MMP16: variants seen among roughly 807,000 people sequenced by gnomAD.
The protein encoded by MMP16 is matrix metallopeptidase 16.
In MMP16, 12 loss-of-function variants were observed where a neutral mutation model predicts 67.8. That is an observed-to-expected ratio of 0.18 (90% CI 0.11 to 0.29). MMP16 has a LOEUF of 0.29. MMP16 is among the 10% of genes least tolerant of loss of function. The probability of loss-of-function intolerance (pLI) is 1.00; values close to 1 mark genes in which losing one functional copy is unlikely to be tolerated. For missense variants in MMP16, 475 were observed against 765.7 expected (o/e 0.62, Z 4.48); for synonymous variants, 249 against 255.9 (o/e 0.97, Z 0.26).
At chr8:88,250,969 T>C (rs757965402) in intron 1 of MMP16, among the ~76,000 whole-genome samples, 7 of 122,880 alleles carry the variant, frequency 5.7e-5, no homozygotes, top group Non-Finnish European at 1.1e-4. Context: ...GATGCTCCCC[T>C]TCCTGTGTCC....
intron 1 of MMP16, among the ~76,000 whole-genome samples, chr8:88,292,874 T>C (rs918488545): frequency 1.3e-5 from 2 of 152,178 alleles, no homozygotes; most frequent in Non-Finnish European, 2.9e-5. Flanking sequence ...TTTTAATATT[T>C]AACATACAGT....
At chr8:88,318,820 T>G (rs1156666581) in intron 1 of MMP16, among the ~76,000 whole-genome samples, 2 of 152,198 alleles carry the variant, frequency 1.3e-5, no homozygotes, top group African/African-American at 4.8e-5. Flanking sequence ...TTAACATTGT[T>G]TTTTATTATA....
At chr8:88,155,146 A>G (rs1292119112) in intron 4 of MMP16, among the ~76,000 whole-genome samples, 2 of 152,090 alleles carry the variant, frequency 1.3e-5, no homozygotes, top group Non-Finnish European at 1.5e-5. Flanking sequence ...TTTTGTTTCT[A>G]TCTTTATATT....
chr8:88,238,778 T>C (rs1409104355), intron 1 of MMP16, among the ~76,000 whole-genome samples: 2 of 151,968 alleles, frequency 1.3e-5, no homozygotes, highest in Non-Finnish European at 2.9e-5. Flanking sequence ...TATGTAAAAG[T>C]TTATGATATT....
intron 9 of MMP16, among the ~76,000 whole-genome samples, chr8:88,044,089 T>C (rs1239331162): frequency 6.6e-6 from 1 of 152,226 alleles, no homozygotes; most frequent in African/African-American, 2.4e-5. Flanking sequence ...GTAGGGCACA[T>C]TTTATAGTAA....
chr8:88,175,760 C>T (rs976531849), intron 3 of MMP16, among the ~76,000 whole-genome samples: 5 of 152,162 alleles, frequency 3.3e-5, no homozygotes, highest in African/African-American at 1.2e-4. Flanking sequence ...CCGTAATCCC[C>T]ATGTGTCCTG....
intron 4 of MMP16, among the ~76,000 whole-genome samples, chr8:88,124,161 T>C (rs1586163073): frequency 6.6e-6 from 1 of 152,146 alleles, no homozygotes; most frequent in South Asian, 2.1e-4. Flanking sequence ...TATTTTTATA[T>C]ATGCTCAGAC....
Position 88,192,549 on chromosome 8 carries a change from C to T in MMP16, c.281+4609G>A, listed in dbSNP as rs535522111. Reference sequence around the variant, plus strand: ...GCTGACCCATCCTATAATGTGATAGCGTTTTAATGCCATGGGTATATTCAG... The same window carrying T: ...GCTGACCCATCCTATAATGTGATAGTGTTTTAATGCCATGGGTATATTCAG... On this transcript the variant is annotated intron_variant, in intron 2 of 9. Coordinates refer to ENST00000286614, the MANE Select transcript of MMP16 (RefSeq NM_005941.5). 1.0e-3 allele frequency among the ~76,000 whole-genome samples: 157 copies of T among 152,166 alleles called. 1 individual carries two copies. Among genetic ancestry groups the T allele is most frequent in the African/African-American group, 3.6e-3 (151 of 41,528 alleles).
intron 3 of MMP16, among the ~76,000 whole-genome samples, chr8:88,176,370 T>C (rs946219686): frequency 2.0e-5 from 3 of 152,196 alleles, no homozygotes; most frequent in East Asian, 1.9e-4. Flanking sequence ...TCCCTTCCTT[T>C]CTTCCTTCCT....
At chr8:88,104,972 T>C (rs1809212112) in intron 6 of MMP16, among the ~76,000 whole-genome samples, 1 of 151,568 alleles carries the variant, frequency 6.6e-6, no homozygotes, top group Admixed American at 6.6e-5. Context: ...AAATTATAAA[T>C]TTAGTGTAGC....
chr8:88,088,679 T>C lies in MMP16; in HGVS notation c.1084-13936A>G, dbSNP rs775152442. ...TTGAAAGCATTCCTTTCGCTGTCCC[T>C]GTGTGGCTGTGGTTTATTTACTTAA... On this transcript the variant is annotated intron_variant, in intron 6 of 9. Transcript: ENST00000286614. 7.2e-5 allele frequency among the ~76,000 whole-genome samples: 11 copies of C among 152,224 alleles called. No homozygotes were observed. In the East Asian group the frequency reaches 1.6e-3, roughly 21 times the overall value.
At chr8:88,076,242 A>G (rs28991878) in intron 6 of MMP16, among the ~76,000 whole-genome samples, 9,514 of 152,220 alleles carry the variant, frequency 0.063, 536 homozygotes, top group Admixed American at 0.13. Context: ...CTGAGTTAGT[A>G]CAAACGAATA....
intron 6 of MMP16, among the ~76,000 whole-genome samples, chr8:88,115,935 AT>A (rs1809420461): frequency 6.6e-6 from 1 of 152,168 alleles, no homozygotes; most frequent in Non-Finnish European, 1.5e-5. Context: ...TTTTAAAAAA[AT>A]AATATAAATT....
intron 1 of MMP16, among the ~76,000 whole-genome samples, chr8:88,203,447 A>G (rs1018342583): frequency 1.1e-4 from 17 of 152,262 alleles, no homozygotes; most frequent in Middle Eastern, 3.4e-3. Flanking sequence ...ACATGCATGC[A>G]TGAGCATAAC....
At chr8:88,137,311 C>G (rs554131252) in intron 4 of MMP16, among the ~76,000 whole-genome samples, 5 of 151,888 alleles carry the variant, frequency 3.3e-5, no homozygotes, top group Non-Finnish European at 7.4e-5. Context: ...AACTCCTCCC[C>G]CCCAAAACCC....
intron 3 of MMP16, among the ~76,000 whole-genome samples, chr8:88,170,054 C>T (rs1808775041): frequency 6.6e-6 from 1 of 151,940 alleles, no homozygotes; most frequent in African/African-American, 2.4e-5. Flanking sequence ...CAGGTTGGTA[C>T]CAGTAGAGAT....
At chr8:88,082,267 AT>A (rs1215219924) in intron 6 of MMP16, among the ~76,000 whole-genome samples, 1 of 152,100 alleles carries the variant, frequency 6.6e-6, no homozygotes, top group Non-Finnish European at 1.5e-5. Context: ...ACATTATCAG[AT>A]TGCTTTGATC....
intron 3 of MMP16, among the ~76,000 whole-genome samples, chr8:88,183,584 AGAG>A (rs1296271143): frequency 6.6e-6 from 1 of 152,122 alleles, no homozygotes; most frequent in Non-Finnish European, 1.5e-5. Flanking sequence ...GTTGCTGAAT[AGAG>A]GAGAGGTAGC....
At chr8:88,206,846 C>T (rs1487409939) in intron 1 of MMP16, among the ~76,000 whole-genome samples, 1 of 152,090 alleles carries the variant, frequency 6.6e-6, no homozygotes, top group Non-Finnish European at 1.5e-5. Context: ...AAGAGTGTAT[C>T]TATGATGACA....
Sources: allele counts gnomAD v4.1 joint callset (sites outside exome capture counted in the v4.1 genomes callset), GRCh38; gene constraint gnomAD v4.1.1; transcripts MANE v1.5; gene names NCBI Gene and HGNC (gene_info 2026-07-23, HGNC 2026-07-21).